The following RTN4RL1 variants were observed in gnomAD, a reference collection of about 807,000 sequenced individuals.
RTN4RL1 encodes reticulon-4 receptor-like 1.
In RTN4RL1, 7 loss-of-function variants were observed where a neutral mutation model predicts 25.6. The observed-to-expected ratio is 0.27, with a 90% CI of 0.16 to 0.51. RTN4RL1 has a LOEUF of 0.51. RTN4RL1 is among the 20% of genes least tolerant of loss of function. The probability of loss-of-function intolerance (pLI) is 0.97; values close to 1 mark genes in which losing one functional copy is unlikely to be tolerated. For missense variants in RTN4RL1, 500 were observed against 615.6 expected (o/e 0.81, Z 1.99); for synonymous variants, 297 against 288.2 (o/e 1.03, Z -0.31).
At chr17:1,945,749 T>A (rs1394797835) in intron 1 of RTN4RL1, among the ~76,000 whole-genome samples, 1 of 152,222 alleles carries the variant, frequency 6.6e-6, no homozygotes, top group Non-Finnish European at 1.5e-5. Flanking sequence ...GCACTGAGTG[T>A]ATGTTGACTC....
intron 1 of RTN4RL1, among the ~76,000 whole-genome samples, chr17:1,947,985 T>C (rs1859829122): frequency 6.6e-6 from 1 of 152,192 alleles, no homozygotes; most frequent in South Asian, 2.1e-4. Context: ...ATTACGTTAC[T>C]GCTAGTGTTA....
intron 1 of RTN4RL1, among the ~76,000 whole-genome samples, chr17:2,021,084 C>A (rs1409655454): frequency 6.6e-6 from 1 of 152,300 alleles, no homozygotes; most frequent in Admixed American, 6.5e-5. Flanking sequence ...CAGCTACCAG[C>A]ACTGTCAGCA....
At chr17:2,009,155 C>T (rs552166194) in intron 1 of RTN4RL1, among the ~76,000 whole-genome samples, 8 of 152,172 alleles carry the variant, frequency 5.3e-5, no homozygotes, top group Admixed American at 5.2e-4. Context: ...ATGTTGTATG[C>T]TGTGGAGTAA....
At chr17:1,961,267 G>C (rs1388572241) in intron 1 of RTN4RL1, among the ~76,000 whole-genome samples, 4 of 152,328 alleles carry the variant, frequency 2.6e-5, no homozygotes, top group African/African-American at 7.2e-5. Flanking sequence ...CGAAGGGAAG[G>C]GGGGCCTGGA....
At chr17:2,002,350 T>G (rs1032430390) in intron 1 of RTN4RL1, among the ~76,000 whole-genome samples, 3 of 150,896 alleles carry the variant, frequency 2.0e-5, no homozygotes, top group Non-Finnish European at 3.0e-5. Context: ...TGGAGTGCAG[T>G]GGCGCGATCT....
chr17:2,019,353 A>G (rs947707619), intron 1 of RTN4RL1: 5 of 152,028 alleles, frequency 3.3e-5, no homozygotes, highest in African/African-American at 1.2e-4. Flanking sequence ...CTTAACCACT[A>G]CTTCACTGCA....
At position 1,937,546 on chromosome 17, in the gene RTN4RL1, G is replaced by A. The variant is rs1211402772; in HGVS notation, c.276C>T (p.His92=). ...GCACGAAGCCCTCGAAGGTGCTGGGGTGGATGTAGGTGATGTTGTTCGAGT... is the reference window on the plus strand; with the variant it reads ...GCACGAAGCCCTCGAAGGTGCTGGGATGGATGTAGGTGATGTTGTTCGAGT... ...WIYSNNITYI[H]PSTFEGFVHL... Residue 92 remains histidine (H), a synonymous_variant, in exon 2 of 2, where the codon CAC becomes CAT. Transcript: ENST00000331238. The A allele has an allele frequency of 3.1e-6, 5 of 1,613,900 alleles. No individual in the cohort carries two copies. The African/African-American group carries it at 6.7e-5, about 22-fold the overall frequency.
At chr17:1,962,224 G>A (rs1394520217) in intron 1 of RTN4RL1, among the ~76,000 whole-genome samples, 1 of 150,254 alleles carries the variant, frequency 6.7e-6, no homozygotes. Flanking sequence ...AGACTGCCAT[G>A]AGCCATGGTG....
At chr17:2,015,512 G>A (rs946531043) in intron 1 of RTN4RL1, among the ~76,000 whole-genome samples, 3 of 152,220 alleles carry the variant, frequency 2.0e-5, no homozygotes, top group African/African-American at 4.8e-5. Context: ...CAAGAGGAGG[G>A]AAGCTGGCCA....
intron 1 of RTN4RL1, among the ~76,000 whole-genome samples, chr17:2,018,777 C>A (rs1394958916): frequency 6.6e-6 from 1 of 151,940 alleles, no homozygotes; most frequent in East Asian, 1.9e-4. Flanking sequence ...ACGGATCCTG[C>A]AGGGTGGGGG....
intron 1 of RTN4RL1, among the ~76,000 whole-genome samples, chr17:2,022,915 C>G (rs551469395): frequency 6.6e-4 from 101 of 152,346 alleles, no homozygotes; most frequent in South Asian, 6.4e-3. Flanking sequence ...GAGCCTCCCC[C>G]CGGGGAGCGG....
intron 1 of RTN4RL1, among the ~76,000 whole-genome samples, chr17:1,977,243 A>G (rs754023154): frequency 4.6e-5 from 7 of 152,218 alleles, no homozygotes; most frequent in Non-Finnish European, 7.3e-5. Flanking sequence ...GGAAGGTGCG[A>G]GGCAGAGACT....
rs112833998 is a variant in RTN4RL1, at chr17:1,993,657, A to G, written c.13+31196T>C. On this transcript the variant is annotated intron_variant, in intron 1 of 1. Coordinates refer to ENST00000331238, the MANE Select transcript of RTN4RL1 (RefSeq NM_178568.4). Reference sequence around the variant, plus strand: ...ATCCGTTCCCTTCCCCTACCCTTCCATCAGAGTGGTCATCTTTGAACCCAA... The same window carrying G: ...ATCCGTTCCCTTCCCCTACCCTTCCGTCAGAGTGGTCATCTTTGAACCCAA... 9.1e-3 allele frequency among the ~76,000 whole-genome samples: 1,380 copies of G among 152,168 alleles called. 29 individuals are homozygous for G. The highest frequency in any genetic ancestry group is 0.032 in the African/African-American group (1,312 of 41,500).
At chr17:1,954,193 C>T (rs1042966075) in intron 1 of RTN4RL1, among the ~76,000 whole-genome samples, 9 of 152,222 alleles carry the variant, frequency 5.9e-5, no homozygotes, top group Middle Eastern at 3.4e-3. Context: ...TGTCCCAACA[C>T]GCCTTCCAAT....
chr17:2,004,780 C>A (rs777251918), intron 1 of RTN4RL1, among the ~76,000 whole-genome samples: 1 of 152,158 alleles, frequency 6.6e-6, no homozygotes, highest in African/African-American at 2.4e-5. Context: ...GAGTTTCCTG[C>A]CCCTGGCCAG....
chr17:1,958,368 C>A (rs1915831281), intron 1 of RTN4RL1, among the ~76,000 whole-genome samples: 1 of 152,248 alleles, frequency 6.6e-6, no homozygotes, highest in South Asian at 2.1e-4. Flanking sequence ...CCACCAGGCA[C>A]CCCGTCCCCA....
chr17:1,948,672 G>T (rs1484332745), intron 1 of RTN4RL1, among the ~76,000 whole-genome samples: 1 of 152,132 alleles, frequency 6.6e-6, no homozygotes, highest in Non-Finnish European at 1.5e-5. Flanking sequence ...TGTTTAGTGG[G>T]GCAGGGGTTA....
chr17:1,992,812 C>T (rs921452264), intron 1 of RTN4RL1, among the ~76,000 whole-genome samples: 1 of 152,250 alleles, frequency 6.6e-6, no homozygotes, highest in African/African-American at 2.4e-5. Context: ...GCCATCGTCG[C>T]CCACGTGTGT....
chr17:1,955,726 G>A (rs1480026946), intron 1 of RTN4RL1, among the ~76,000 whole-genome samples: 1 of 151,750 alleles, frequency 6.6e-6, no homozygotes. Context: ...TGGGATTACA[G>A]GCGCCCACCA....
Sources: allele counts gnomAD v4.1 joint callset (sites outside exome capture counted in the v4.1 genomes callset), GRCh38; gene constraint gnomAD v4.1.1; transcripts MANE v1.5; gene names NCBI Gene and HGNC (gene_info 2026-07-23, HGNC 2026-07-21).